Variants in GLRA2 observed in about 807,000 individuals in gnomAD.
GLRA2 encodes the protein glycine receptor alpha 2, also known as glycine receptor subunit alpha-2.
A neutral mutation model predicts 31.6 loss-of-function variants in GLRA2; 11 were observed. The ratio of observed to expected loss-of-function variants is 0.35; its 90% CI spans 0.22 to 0.58. GLRA2 has a LOEUF of 0.58. Among genes scored for constraint, GLRA2 ranks in the 20% least tolerant of loss-of-function variants. The pLI, the probability that GLRA2 is intolerant of heterozygous loss-of-function variation, is 0.84. For synonymous variants in GLRA2, 132 were observed against 134.0 expected, an observed-to-expected ratio of 0.99 and a Z score of 0.10; for missense variants, 212 against 351.8, an observed-to-expected ratio of 0.60 and a Z score of 3.18.
intron 7 of GLRA2, among the ~76,000 whole-genome samples, chrX:14,690,421 C>T (rs951560659): frequency 9.0e-6 from 1 of 111,546 alleles, no homozygotes; most frequent in Admixed American, 9.5e-5. Context: ...GTAGTGAGAA[C>T]ACTTAAAATC....
the GLRA2 span, among the ~76,000 whole-genome samples, chrX:14,490,024 T>G: frequency 6.3e-5 from 7 of 111,100 alleles, no homozygotes; most frequent in Non-Finnish European, 1.3e-4. Context: ...TCTAGCCATT[T>G]AGTTTCTCAC....
the GLRA2 span, among the ~76,000 whole-genome samples, chrX:14,463,815 C>G: frequency 1.8e-5 from 2 of 111,879 alleles, no homozygotes; most frequent in African/African-American, 6.5e-5. Context: ...TCCCCTGACC[C>G]CTTGTGCTTC....
At chrX:14,669,991 G>A (rs778602446) in intron 7 of GLRA2, among the ~76,000 whole-genome samples, 3 of 112,329 alleles carry the variant, frequency 2.7e-5, no homozygotes, top group Non-Finnish European at 5.6e-5. Flanking sequence ...TTTTGAAACT[G>A]AATGCCTTTA....
At chrX:14,573,716 A>G (rs764487968) in intron 2 of GLRA2, among the ~76,000 whole-genome samples, 216 of 109,815 alleles carry the variant, frequency 2.0e-3, no homozygotes, top group African/African-American at 6.8e-3. Flanking sequence ...CATATTTACT[A>G]AGGTAACAAT....
chrX:14,516,199 T>G, the GLRA2 span, among the ~76,000 whole-genome samples: 1 of 111,001 alleles, frequency 9.0e-6, no homozygotes. Context: ...GCTCTAGCGT[T>G]TCTCTATTAT....
chrX:14,545,837 G>C (rs943179501), intron 2 of GLRA2, among the ~76,000 whole-genome samples: 1 of 110,949 alleles, frequency 9.0e-6, no homozygotes, highest in Non-Finnish European at 1.9e-5. Flanking sequence ...ATGAACAAGA[G>C]GATAAGATTT....
intron 7 of GLRA2, among the ~76,000 whole-genome samples, chrX:14,638,716 G>T (rs1205956069): frequency 9.0e-6 from 1 of 111,130 alleles, no homozygotes; most frequent in Non-Finnish European, 1.9e-5. Context: ...CATATAAATA[G>T]AAAGTATAAT....
chrX:14,545,533 C>T lies in GLRA2; in HGVS notation c.202+13161C>T, dbSNP rs749033800. On this transcript the variant is annotated intron_variant, in intron 2 of 8. Coordinates refer to ENST00000218075, the MANE Select transcript of GLRA2 (RefSeq NM_002063.4). ...TGAGCTTTGGGGGACACATTAAAAC[C>T]ACAGCACTGATTAAGTTTGTCTTTT... Among the ~76,000 whole-genome samples the T allele has an allele frequency of 4.5e-5, 5 of 111,527 alleles. No homozygotes were observed. The East Asian group carries it at 1.4e-3, about 32-fold the overall frequency.
At chrX:14,473,621 G>A in the GLRA2 span, among the ~76,000 whole-genome samples, 1 of 110,999 alleles carries the variant, frequency 9.0e-6, no homozygotes, top group Non-Finnish European at 1.9e-5. Flanking sequence ...TCTGCTCTGG[G>A]CATCCATGTG....
At chrX:14,501,505 C>T in the GLRA2 span, among the ~76,000 whole-genome samples, 1 of 111,466 alleles carries the variant, frequency 9.0e-6, no homozygotes, top group Non-Finnish European at 1.9e-5. Context: ...TTTGGCACCC[C>T]TCCTTGTGCT....
In GLRA2 at chrX:14,681,414, A is replaced by G. The variant is rs774240259; in HGVS notation, c.931-9296A>G. Among the ~76,000 whole-genome samples the G allele has an allele frequency of 3.6e-5, 4 of 110,998 alleles. No homozygotes were observed. In the South Asian group the frequency reaches 1.5e-3, roughly 43 times the overall value. On this transcript the variant is annotated intron_variant, in intron 7 of 8. Coordinates refer to ENST00000218075, the MANE Select transcript of GLRA2 (RefSeq NM_002063.4). ...CATTCATTCAACCATCAGTCCATCC[A>G]TCATAGATCCATCCACCATGTATTT... is the stretch of plus-strand genomic sequence containing the variant.
intron 2 of GLRA2, among the ~76,000 whole-genome samples, chrX:14,542,592 T>C (rs2089420484): frequency 9.1e-6 from 1 of 110,068 alleles, no homozygotes; most frequent in East Asian, 2.9e-4. Context: ...TTAATATTGC[T>C]TATCTTGAGA....
chrX:14,616,974 GA>G lies in GLRA2; in HGVS notation c.930+7776del, dbSNP rs1480954964. 5.4e-5 allele frequency among the ~76,000 whole-genome samples: 6 copies of G among 111,376 alleles called. No homozygotes were observed. The East Asian group carries it at 1.7e-3, about 32-fold the overall frequency. ...AGAGTCGTTGATGTAGTGAGTGTGT[GA>G]AAAAAATATGCAAAGAGATGACACG... On this transcript the variant is annotated intron_variant, in intron 7 of 8. Coordinates refer to ENST00000218075, the MANE Select transcript of GLRA2 (RefSeq NM_002063.4).
chrX:14,611,635 G>GA (rs2090398854), intron 7 of GLRA2, among the ~76,000 whole-genome samples: 1 of 112,057 alleles, frequency 8.9e-6, no homozygotes, highest in African/African-American at 3.2e-5. Context: ...CTTTCAATGA[G>GA]AAAAAAGAAG....
intron 7 of GLRA2, among the ~76,000 whole-genome samples, chrX:14,630,419 T>C (rs2147118374): frequency 8.9e-6 from 1 of 111,890 alleles, no homozygotes; most frequent in African/African-American, 3.2e-5. Flanking sequence ...ATGATGTGGC[T>C]CAGTGTAATT....
At chrX:14,554,013 G>A (rs1208149362) in intron 2 of GLRA2, among the ~76,000 whole-genome samples, 1 of 112,098 alleles carries the variant, frequency 8.9e-6, no homozygotes, top group African/African-American at 3.2e-5. Flanking sequence ...CACAAACTAC[G>A]TAAGCACCCA....
chrX:14,453,427 T>C, the GLRA2 span, among the ~76,000 whole-genome samples: 2 of 111,269 alleles, frequency 1.8e-5, no homozygotes, highest in Admixed American at 1.9e-4. Flanking sequence ...CACCAGATAA[T>C]TATTCAGTCC....
chrX:14,590,816 G>A (rs149259442), intron 4 of GLRA2, among the ~76,000 whole-genome samples: 30 of 112,005 alleles, frequency 2.7e-4, no homozygotes, highest in Middle Eastern at 4.6e-3. Flanking sequence ...TAACATAAGC[G>A]TCCACATCAG....
chrX:14,638,326 C>T (rs1269513332), intron 7 of GLRA2, among the ~76,000 whole-genome samples: 1 of 110,951 alleles, frequency 9.0e-6, no homozygotes, highest in Non-Finnish European at 1.9e-5. Context: ...TCAAAAAAAC[C>T]TATTTTCATG....
Sources: allele counts gnomAD v4.1 joint callset (sites outside exome capture counted in the v4.1 genomes callset), GRCh38; gene constraint gnomAD v4.1.1; transcripts MANE v1.5; gene names NCBI Gene and HGNC (gene_info 2026-07-23, HGNC 2026-07-21).